Variants in PARD3B observed in about 807,000 individuals in gnomAD.
The protein encoded by PARD3B is partitioning defective 3 homolog B.
Under a neutral mutation model 130.2 loss-of-function variants are expected in PARD3B, and 103 were observed. That is an observed-to-expected ratio of 0.79 (90% CI 0.67 to 0.93). PARD3B has a LOEUF of 0.93. Ranked by LOEUF, PARD3B falls within the 40% of genes least tolerant of loss-of-function variation. The pLI, the probability that PARD3B is intolerant of heterozygous loss-of-function variation, is 0.00. For synonymous variants in PARD3B, 583 were observed against 553.2 expected, an observed-to-expected ratio of 1.05 and a Z score of -0.76; for missense variants, 1,609 against 1,499.2, an observed-to-expected ratio of 1.07 and a Z score of -1.21.
At chr2:205,059,718 T>C (rs1699953161) in intron 4 of PARD3B, among the ~76,000 whole-genome samples, 1 of 152,176 alleles carries the variant, frequency 6.6e-6, no homozygotes, top group African/African-American at 2.4e-5. Flanking sequence ...TTATATATTG[T>C]TTAAGGAATG....
At chr2:205,169,159 C>G (rs2035004389) in intron 11 of PARD3B, among the ~76,000 whole-genome samples, 1 of 152,292 alleles carries the variant, frequency 6.6e-6, no homozygotes, top group Middle Eastern at 3.4e-3. Context: ...TGAAATTACA[C>G]ATCATTTATC....
chr2:204,636,102 T>G (rs965998488), intron 1 of PARD3B, among the ~76,000 whole-genome samples: 1 of 152,146 alleles, frequency 6.6e-6, no homozygotes, highest in Admixed American at 6.5e-5. Context: ...TATTTTAATT[T>G]AAATTAATTT....
intron 14 of PARD3B, among the ~76,000 whole-genome samples, chr2:205,192,440 T>C (rs1423372043): frequency 6.6e-6 from 1 of 152,152 alleles, no homozygotes; most frequent in East Asian, 1.9e-4. Flanking sequence ...TATAATTTAG[T>C]TTATTAAAAT....
chr2:204,779,498 T>C (rs1232132266), intron 2 of PARD3B, among the ~76,000 whole-genome samples: 1 of 152,196 alleles, frequency 6.6e-6, no homozygotes. Context: ...CTTGGCTGTT[T>C]TTGTGAGGAC....
At chr2:205,528,497 T>TA (rs533910757) in intron 21 of PARD3B, among the ~76,000 whole-genome samples, 63 of 142,826 alleles carry the variant, frequency 4.4e-4, no homozygotes, top group Non-Finnish European at 1.7e-4. Flanking sequence ...TGACACAATC[T>TA]TTTTTTTTTT....
intron 22 of PARD3B, among the ~76,000 whole-genome samples, chr2:205,577,917 A>G (rs1221102721): frequency 6.6e-6 from 1 of 152,218 alleles, no homozygotes; most frequent in African/African-American, 2.4e-5. Context: ...ACTCTTCTAT[A>G]ACATTTATTT....
chr2:205,154,493 C>T (rs955511573), intron 10 of PARD3B, among the ~76,000 whole-genome samples: 1 of 152,142 alleles, frequency 6.6e-6, no homozygotes, highest in South Asian at 2.1e-4. Context: ...TGTGGCGATT[C>T]CTCAAGGATC....
chr2:204,841,578 T>C (rs1490822951), intron 2 of PARD3B, among the ~76,000 whole-genome samples: 2 of 152,180 alleles, frequency 1.3e-5, no homozygotes, highest in African/African-American at 4.8e-5. Context: ...ATTGATTTTA[T>C]ATCTGAAGAT....
chr2:204,819,035 C>T (rs551597112), intron 2 of PARD3B, among the ~76,000 whole-genome samples: 1 of 152,260 alleles, frequency 6.6e-6, no homozygotes, highest in South Asian at 2.1e-4. Context: ...AGCATGAACT[C>T]ATGTTTAGCT....
chr2:205,436,958 T>C (rs2047538976), intron 19 of PARD3B, among the ~76,000 whole-genome samples: 1 of 152,046 alleles, frequency 6.6e-6, no homozygotes, highest in African/African-American at 2.4e-5. Flanking sequence ...CTCTCTTCTG[T>C]CTCTGCCTCT....
At chr2:204,686,901 A>G (rs933024667) in intron 2 of PARD3B, among the ~76,000 whole-genome samples, 6 of 152,108 alleles carry the variant, frequency 3.9e-5, no homozygotes, top group African/African-American at 1.4e-4. Flanking sequence ...AAAGTATACT[A>G]TTTCATTGCA....
chr2:205,349,919 A>G (rs934533219), intron 18 of PARD3B, among the ~76,000 whole-genome samples: 1 of 150,860 alleles, frequency 6.6e-6, no homozygotes, highest in African/African-American at 2.4e-5. Flanking sequence ...TGAGTTCTAT[A>G]ACCTGTAGTG....
At chr2:204,584,955 C>T (rs900478636) in intron 1 of PARD3B, among the ~76,000 whole-genome samples, 2 of 152,154 alleles carry the variant, frequency 1.3e-5, no homozygotes, top group Non-Finnish European at 2.9e-5. Context: ...ACTGCATCAT[C>T]CGTAGGGTTG....
intron 2 of PARD3B, among the ~76,000 whole-genome samples, chr2:204,741,187 T>C (rs1040371145): frequency 3.3e-5 from 5 of 152,100 alleles, no homozygotes; most frequent in Non-Finnish European, 7.3e-5. Context: ...CTTTTGGAAA[T>C]AGGAAGGCAG....
At chr2:205,605,728 AC>A (rs762538945) in intron 22 of PARD3B, among the ~76,000 whole-genome samples, 1 of 152,222 alleles carries the variant, frequency 6.6e-6, no homozygotes, top group Non-Finnish European at 1.5e-5. Flanking sequence ...GTCAGGAGGC[AC>A]GGGAACTGGG....
rs141824255 is a variant in PARD3B, at chr2:204,872,312, A to G, written c.223-92840A>G. On this transcript the variant is annotated intron_variant, in intron 2 of 22. Transcript: ENST00000406610. ...ATACATGTAATATATATGTATGCATATAATTATATAAAAATGTAGAAAATA... is the reference window on the plus strand; with the variant it reads ...ATACATGTAATATATATGTATGCATGTAATTATATAAAAATGTAGAAAATA... 5.1e-3 allele frequency among the ~76,000 whole-genome samples: 777 copies of G among 152,156 alleles called. 9 individuals are homozygous for G. The highest frequency in any genetic ancestry group is 0.017 in the African/African-American group (704 of 41,540).
At chr2:204,594,935 G>T (rs1169918340) in intron 1 of PARD3B, among the ~76,000 whole-genome samples, 1 of 152,144 alleles carries the variant, frequency 6.6e-6, no homozygotes, top group Non-Finnish European at 1.5e-5. Flanking sequence ...CACAATTGCT[G>T]TTTCTAAGTG....
Position 204,623,215 on chromosome 2 carries a change from A to G in PARD3B, c.121-62966A>G, listed in dbSNP as rs2034365067. On this transcript the variant is annotated intron_variant, in intron 1 of 22. Transcript: ENST00000406610. The surrounding 1 kb of genome is among the most constrained non-coding windows in gnomAD (Gnocchi z 4.5). ...CACAGGGAGGTCCCACATACTATTC[A>G]CCCAGTTTCTTTCACTGGTTGAGTG... 6.6e-6 allele frequency among the ~76,000 whole-genome samples: 1 copy of G among 152,168 alleles called. No individual in the cohort carries two copies. Among genetic ancestry groups the G allele is most frequent in the Non-Finnish European group, 1.5e-5 (1 of 68,026 alleles).
At chr2:205,452,031 C>G (rs1362608500) in intron 20 of PARD3B, among the ~76,000 whole-genome samples, 1 of 152,082 alleles carries the variant, frequency 6.6e-6, no homozygotes, top group Non-Finnish European at 1.5e-5. Flanking sequence ...TTCATGACCA[C>G]TGAAAAAGCA....
Sources: allele counts gnomAD v4.1 joint callset (sites outside exome capture counted in the v4.1 genomes callset), GRCh38; gene constraint gnomAD v4.1.1; non-coding constraint Gnocchi (gnomAD v3.1); transcripts MANE v1.5; gene names NCBI Gene and HGNC (gene_info 2026-07-23, HGNC 2026-07-21).